TMEM44: variants seen among roughly 807,000 people sequenced by gnomAD.
TMEM44 encodes transmembrane protein 44.
Under a neutral mutation model 47.8 loss-of-function variants are expected in TMEM44, and 43 were observed. The ratio of observed to expected loss-of-function variants is 0.90; its 90% CI spans 0.70 to 1.16. The LOEUF is 1.16. Among genes scored for constraint, TMEM44 ranks in the 50% most tolerant of loss-of-function variants. The pLI, the probability that TMEM44 is intolerant of heterozygous loss-of-function variation, is 0.00. For missense variants in TMEM44, 568 were observed against 555.2 expected (o/e 1.02, Z -0.23); for synonymous variants, 277 against 238.8 (o/e 1.16, Z -1.48).
At chr3:194,607,921 G>A (rs775163528) in intron 8 of TMEM44, among the ~76,000 whole-genome samples, 1 of 152,152 alleles carries the variant, frequency 6.6e-6, no homozygotes, top group Non-Finnish European at 1.5e-5. Context: ...GCTCAAAGAC[G>A]CACTTGTGGG....
At chr3:194,596,049 G>A (rs1160700916) in intron 9 of TMEM44, among the ~76,000 whole-genome samples, 1 of 152,124 alleles carries the variant, frequency 6.6e-6, no homozygotes, top group Non-Finnish European at 1.5e-5. Context: ...GCAGAGAAAC[G>A]CAGAGAAGAG....
Position 194,630,757 on chromosome 3 carries a change from C to T in TMEM44, c.138-2248G>A, listed in dbSNP as rs546515690. ...CGAAGGGGCTGGCTGTTTCCGTCGG[C>T]GTCACTGATGGGGCCTCTGAAATAC... On this transcript the variant is annotated intron_variant, in intron 1 of 9. Coordinates refer to ENST00000347147, the MANE Select transcript of TMEM44 (RefSeq NM_001011655.3). Among the ~76,000 whole-genome samples the T allele has an allele frequency of 6.6e-4, 100 of 151,800 alleles. 1 individual carries two copies. The highest frequency in any genetic ancestry group is 2.3e-3 in the African/African-American group (96 of 41,246).
chr3:194,621,471 C>T (rs1189517750), intron 5 of TMEM44, among the ~76,000 whole-genome samples: 1 of 152,176 alleles, frequency 6.6e-6, no homozygotes, highest in Non-Finnish European at 1.5e-5. Flanking sequence ...TGTGGTCTCC[C>T]AGCTCTGACA....
intron 3 of TMEM44, among the ~76,000 whole-genome samples, 180 bp from the exon 4 acceptor site, chr3:194,623,875 G>A (rs944486884): frequency 6.6e-6 from 1 of 152,168 alleles, no homozygotes; most frequent in Non-Finnish European, 1.5e-5. Flanking sequence ...CCTCTTCAAG[G>A]AGTCTTTCCT....
chr3:194,623,820 G>T, intron 3 of TMEM44, 125 bp from the exon 4 acceptor site: 1 of 1,271,310 alleles, frequency 7.9e-7, no homozygotes, highest in Non-Finnish European at 1.1e-6. Flanking sequence ...ACATTATTCT[G>T]CAGGCCAGCT....
intron 5 of TMEM44, 99 bp downstream of exon 5, chr3:194,623,125 G>A (rs766942111): frequency 1.0e-5 from 12 of 1,170,500 alleles, no homozygotes; most frequent in Middle Eastern, 2.4e-4. Context: ...ATGCACCCAC[G>A]GTGACGCCAC....
At chr3:194,615,381 C>T (rs576973438) in intron 7 of TMEM44, among the ~76,000 whole-genome samples, 188 bp downstream of exon 7, 2 of 152,240 alleles carry the variant, frequency 1.3e-5, no homozygotes, top group South Asian at 2.1e-4. Context: ...AGGAAGGGCC[C>T]GTTACATGTC....
intron 9 of TMEM44, among the ~76,000 whole-genome samples, chr3:194,597,941 G>A (rs1045260310): frequency 6.6e-6 from 1 of 152,204 alleles, no homozygotes; most frequent in South Asian, 2.1e-4. Flanking sequence ...CCCCAGGCAC[G>A]GGACTCTGAG....
intron 9 of TMEM44, among the ~76,000 whole-genome samples, chr3:194,594,119 C>G (rs1713085868): frequency 1.0e-5 from 1 of 98,554 alleles, no homozygotes; most frequent in South Asian, 4.0e-4. Context: ...GCCTAATTTT[C>G]TATCTATCTA....
chr3:194,599,638 G>A (rs1226267222), intron 9 of TMEM44, among the ~76,000 whole-genome samples: 1 of 145,816 alleles, frequency 6.9e-6, no homozygotes, highest in African/African-American at 2.6e-5. Context: ...AGGCTGGAAT[G>A]CGGTGGCTTG....
At chr3:194,593,999 G>A (rs7373425) in intron 9 of TMEM44, among the ~76,000 whole-genome samples, 49,205 of 151,464 alleles carry the variant, frequency 0.32, 8,742 homozygotes, top group East Asian at 0.53. Flanking sequence ...TTTTTTTAGT[G>A]GAGATGAGGT....
rs1329600509 is a variant in TMEM44 at position 194,623,211 on chromosome 3, C to A, written c.612+13G>T. The stretch of plus-strand genomic sequence containing the variant: ...CATGTGACCCACAGTCCCATCCCCA[C>A]CCCCGGCCTCACAATTCTGGAGAGA... On this transcript the variant is annotated intron_variant, in intron 5 of 9. Coordinates refer to ENST00000347147, the MANE Select transcript of TMEM44 (RefSeq NM_001011655.3). The A allele has an allele frequency of 3.1e-6, 5 of 1,598,182 alleles. No homozygotes were observed. Among genetic ancestry groups the A allele is most frequent in the Non-Finnish European group, 4.3e-6 (5 of 1,171,876 alleles).
intron 7 of TMEM44, among the ~76,000 whole-genome samples, chr3:194,614,081 C>T (rs1715627288): frequency 6.6e-6 from 1 of 152,050 alleles, no homozygotes; most frequent in Non-Finnish European, 1.5e-5. Context: ...GAGATCGTGC[C>T]ACGGCACTCC....
intron 1 of TMEM44, 197 bp downstream of exon 1, chr3:194,632,882 A>T: frequency 1.0e-6 from 1 of 964,444 alleles, no homozygotes. Flanking sequence ...TTTGGCTCAC[A>T]GCCCAGCTTC....
Position 194,617,963 on chromosome 3 carries a change from C to A in TMEM44, c.613-694G>T, listed in dbSNP as rs375179692. ...CTCTGCCTGCTCACACTTTGCCTTC[C>A]GCCATGAGTAAAAGGTCCCTGAGGC... is the stretch of plus-strand genomic sequence containing the variant. On this transcript the variant is annotated intron_variant, in intron 5 of 9. Coordinates refer to ENST00000347147, the MANE Select transcript of TMEM44 (RefSeq NM_001011655.3). Among the ~76,000 whole-genome samples, 93 of 152,322 alleles carry A rather than the reference C, an allele frequency of 6.1e-4. 1 individual carries two copies. The East Asian group carries it at 8.7e-3, about 14-fold the overall frequency.
Position 194,615,643 on chromosome 3 carries a change from C to A in TMEM44, c.838G>T (p.Ala280Ser). The change falls in exon 7 of 10, where the codon GCC becomes TCC. Residue 280 changes from alanine to serine, a missense_variant. Coordinates refer to ENST00000347147, the MANE Select transcript of TMEM44 (RefSeq NM_001011655.3). ...TCAGGGCTCTCTCTGGCTTCCTTGG[C>A]AAATCCTAAGGCCTGTCTCATCTTG... ...KSKMRQALGF[A>S]KEARESPDTQ... 1 of 1,614,136 alleles carries A rather than the reference C, an allele frequency of 6.2e-7. No individual in the cohort carries two copies. Among genetic ancestry groups the A allele is most frequent in the Non-Finnish European group, 8.5e-7 (1 of 1,180,006 alleles).
intron 1 of TMEM44, among the ~76,000 whole-genome samples, chr3:194,629,023 G>A (rs182622500): frequency 6.6e-6 from 1 of 152,218 alleles, no homozygotes; most frequent in East Asian, 1.9e-4. Context: ...AATTAGCCGG[G>A]TGTGGTGGCG....
chr3:194,627,228 T>C (rs1393579042), intron 2 of TMEM44, among the ~76,000 whole-genome samples: 1 of 152,214 alleles, frequency 6.6e-6, no homozygotes, highest in Non-Finnish European at 1.5e-5. Flanking sequence ...CTAATGAGAA[T>C]GGGCACCCAA....
chr3:194,601,179 T>G (rs1206216255), intron 9 of TMEM44, among the ~76,000 whole-genome samples: 1 of 151,702 alleles, frequency 6.6e-6, no homozygotes, highest in Non-Finnish European at 1.5e-5. Flanking sequence ...AGTTTCACTC[T>G]TTCACCCAGC....
Sources: allele counts gnomAD v4.1 joint callset (sites outside exome capture counted in the v4.1 genomes callset), GRCh38; gene constraint gnomAD v4.1.1; transcripts MANE v1.5; gene names NCBI Gene and HGNC (gene_info 2026-07-23, HGNC 2026-07-21).